The following IQCH variants were observed in gnomAD, a reference collection of about 807,000 sequenced individuals.
IQCH encodes IQ motif containing H, also known as IQ domain-containing protein H.
A neutral mutation model predicts 117.0 loss-of-function variants in IQCH; 98 were observed. The observed-to-expected ratio is 0.84, with a 90% CI of 0.71 to 0.99. IQCH has a LOEUF of 0.99. IQCH is among the 50% of genes least tolerant of loss of function. The pLI is 0.00. For synonymous variants in IQCH, 412 were observed against 448.2 expected (o/e 0.92, Z 1.02); for missense variants, 1,102 against 1,243.8 (o/e 0.89, Z 1.72).
intron 15 of IQCH, among the ~76,000 whole-genome samples, chr15:67,420,430 T>A (rs1451061733): frequency 6.6e-6 from 1 of 152,234 alleles, no homozygotes; most frequent in African/African-American, 2.4e-5. Flanking sequence ...GCACCCTATC[T>A]ATGGAACACT....
At chr15:67,336,842 A>C in intron 4 of IQCH, 133 bp from the exon 5 acceptor site, 1 of 784,934 alleles carries the variant, frequency 1.3e-6, no homozygotes, top group Non-Finnish European at 2.0e-6. Context: ...CATGAGCAAT[A>C]AAATTGGAGC....
In IQCH at chr15:67,422,878, G is replaced by A. The variant is rs904022842; in HGVS notation, c.2505+1301G>A. ...CTGCATGTCCAGACCTCTGTCTAAA[G>A]GGCGAAATGACCTCCTGGCCTTCCT... On this transcript the variant is annotated intron_variant, in intron 16 of 20. Transcript: ENST00000335894. The surrounding 1 kb of genome is among the most constrained non-coding windows in gnomAD (Gnocchi z 4.7). 6.6e-6 allele frequency among the ~76,000 whole-genome samples: 1 copy of A among 152,154 alleles called. No individual in the cohort carries two copies. Among genetic ancestry groups the A allele is most frequent in the African/African-American group, 2.4e-5 (1 of 41,424 alleles).
intron 3 of IQCH, among the ~76,000 whole-genome samples, chr15:67,269,930 A>C (rs1965832695): frequency 6.6e-6 from 1 of 152,116 alleles, no homozygotes; most frequent in South Asian, 2.1e-4. Context: ...ATTGTGTATA[A>C]TGTTGCAGTA....
intron 5 of IQCH, 114 bp from the exon 6 acceptor site, chr15:67,343,949 A>G: frequency 1.2e-6 from 1 of 828,746 alleles, no homozygotes; most frequent in South Asian, 1.8e-5. Context: ...CACTAGATGT[A>G]CCCTCACAAA....
chr15:67,358,207 C>CT lies in IQCH; in HGVS notation c.714+801dup, dbSNP rs71142373. Among the ~76,000 whole-genome samples, 32 of 10,454 alleles carry CT rather than the reference C, an allele frequency of 3.1e-3. 9 individuals are homozygous for CT. In the Admixed American group the frequency reaches 0.041, roughly 13 times the overall value. The allele number at this position is 10,454 out of a possible 152,430, so 6.9% of individuals were successfully genotyped here. ...TAACCATCATGAGGCACTTTCTTTT[C>CT]TTTTTTTTTTTTTTTGAGATGGAGT... On this transcript the variant is annotated intron_variant, in intron 7 of 20. Transcript: ENST00000335894.
intron 4 of IQCH, among the ~76,000 whole-genome samples, chr15:67,297,356 T>A (rs1364657843): frequency 1.3e-5 from 2 of 152,204 alleles, no homozygotes; most frequent in Non-Finnish European, 2.9e-5. Context: ...TAATTTCATC[T>A]ATTCCCTCTA....
rs1326019313 is a variant in IQCH, at chr15:67,457,505, A to G, written c.2506-7622A>G. Among the ~76,000 whole-genome samples the G allele has an allele frequency of 6.6e-6, 1 of 152,244 alleles. No individual in the cohort carries two copies. The highest frequency in any genetic ancestry group is 2.4e-5 in the African/African-American group (1 of 41,458). Reference sequence around the variant, plus strand: ...GAAGCAGGCAAGAACACAGAAGTCAAGAACCAAGTGAATTCTTACACCTGC... The same window carrying G: ...GAAGCAGGCAAGAACACAGAAGTCAGGAACCAAGTGAATTCTTACACCTGC... On this transcript the variant is annotated intron_variant, in intron 16 of 20. Coordinates refer to ENST00000335894, the MANE Select transcript of IQCH (RefSeq NM_001031715.3). This position sits in a 1 kb window ranked among gnomAD's most constrained non-coding sequence, Gnocchi z 5.7.
intron 20 of IQCH, among the ~76,000 whole-genome samples, chr15:67,499,143 T>C (rs935668909): frequency 2.8e-4 from 42 of 151,818 alleles, no homozygotes; most frequent in African/African-American, 9.9e-4. Flanking sequence ...CGAAAACTTA[T>C]TTTTAGCTAG....
Position 67,475,889 on chromosome 15 carries a change from T to C in IQCH, c.2799+71T>C. 2 of 1,369,790 alleles carry C rather than the reference T, an allele frequency of 1.5e-6. No homozygotes were observed. The highest frequency in any genetic ancestry group is 2.4e-5 in the South Asian group (2 of 81,762). 84.9% of individuals were successfully genotyped at this position (1,369,790 alleles called of 1,614,324 possible). ...TGGGTGATCTAGGTAGCTAATAATT[T>C]GGTGCCCCTTCAGATAGATATTCTT... On this transcript the variant is annotated intron_variant, in intron 18 of 20. Transcript: ENST00000335894. This position sits in a 1 kb window ranked among gnomAD's most constrained non-coding sequence, Gnocchi z 5.7.
chr15:67,344,768 T>C (rs976341606), intron 6 of IQCH, among the ~76,000 whole-genome samples: 1 of 152,240 alleles, frequency 6.6e-6, no homozygotes, highest in Non-Finnish European at 1.5e-5. Context: ...AATTTGTACA[T>C]ACTGGAACAG....
chr15:67,501,263 T>C lies in IQCH; in HGVS notation c.*517T>C, dbSNP rs1373409638. 6.6e-6 allele frequency: 1 copy of C among 152,242 alleles called. No individual in the cohort carries two copies. The highest frequency in any genetic ancestry group is 1.5e-5 in the Non-Finnish European group (1 of 68,046). The allele number at this position is 152,242 out of a possible 1,614,324, so 9.4% of individuals were successfully genotyped here. On this transcript the variant is annotated 3_prime_UTR_variant, in exon 21 of 21. Coordinates refer to ENST00000335894, the MANE Select transcript of IQCH (RefSeq NM_001031715.3). The surrounding 1 kb of genome is among the most constrained non-coding windows in gnomAD (Gnocchi z 5.2). The stretch of plus-strand genomic sequence containing the variant: ...ATTTATATGAATTTTTAAGTGACTA[T>C]CATTCATCGTGTTTTTGTTATACCA...
At chr15:67,299,683 G>A (rs1966926876) in intron 4 of IQCH, among the ~76,000 whole-genome samples, 1 of 152,060 alleles carries the variant, frequency 6.6e-6, no homozygotes, top group Non-Finnish European at 1.5e-5. Context: ...TTATCTGATT[G>A]CAATCCCATG....
At chr15:67,314,484 GAAAAAA>G (rs11343033) in intron 4 of IQCH, among the ~76,000 whole-genome samples, 1 of 136,234 alleles carries the variant, frequency 7.3e-6, no homozygotes, top group Non-Finnish European at 1.6e-5. Flanking sequence ...TGTGCTAAAT[GAAAAAA>G]AAAAAAAAAA....
chr15:67,322,366 T>C (rs1968175437), intron 4 of IQCH, among the ~76,000 whole-genome samples: 1 of 152,226 alleles, frequency 6.6e-6, no homozygotes, highest in Non-Finnish European at 1.5e-5. Flanking sequence ...ACTTTCAACC[T>C]GTGTCTTTAA....
chr15:67,344,535 T>A (rs945980762), intron 6 of IQCH, among the ~76,000 whole-genome samples: 10 of 152,326 alleles, frequency 6.6e-5, no homozygotes, highest in African/African-American at 2.2e-4. Flanking sequence ...CTTTAGTCTG[T>A]ATGCAAACTC....
At chr15:67,373,133 CT>C (rs1567136557) in intron 9 of IQCH, among the ~76,000 whole-genome samples, 1 of 152,132 alleles carries the variant, frequency 6.6e-6, no homozygotes, top group Admixed American at 6.6e-5. Context: ...TTTGCTTTCT[CT>C]TTTTTTCATT....
At chr15:67,255,089 GCC>G in intron 1 of IQCH, 142 bp downstream of exon 1, 4 of 799,986 alleles carry the variant, frequency 5.0e-6, no homozygotes, top group Non-Finnish European at 8.5e-6. Flanking sequence ...TCCCAAAAAT[GCC>G]CACCCAGACC....
rs74360421 is a variant in IQCH, at chr15:67,322,665, G to A, written c.388-14310G>A. Among the ~76,000 whole-genome samples the A allele has an allele frequency of 6.8e-4, 104 of 152,272 alleles. No homozygotes were observed. In the East Asian group the frequency reaches 0.019, roughly 28 times the overall value. ...ATACAGCTTTTGCCTGTGTTCAGTTGTTCCTGAGCTCTTGTCCTGCGTCCA... is the reference window on the plus strand; with the variant it reads ...ATACAGCTTTTGCCTGTGTTCAGTTATTCCTGAGCTCTTGTCCTGCGTCCA... On this transcript the variant is annotated intron_variant, in intron 4 of 20. Coordinates refer to ENST00000335894, the MANE Select transcript of IQCH (RefSeq NM_001031715.3).
Position 67,353,073 on chromosome 15 carries a change from G to A in IQCH, c.638-4272G>A, listed in dbSNP as rs145818291. 6.5e-3 allele frequency among the ~76,000 whole-genome samples: 992 copies of A among 151,982 alleles called. 11 individuals carry two copies. The highest frequency in any genetic ancestry group is 0.023 in the African/African-American group (951 of 41,482). On this transcript the variant is annotated intron_variant, in intron 6 of 20. Transcript: ENST00000335894. ...AGGCAGGAGAATTGCTTGAACCCAGGAGGCAGAGGTTTCAGTGAGCCAAGA... is the reference window on the plus strand; with the variant it reads ...AGGCAGGAGAATTGCTTGAACCCAGAAGGCAGAGGTTTCAGTGAGCCAAGA...
Sources: allele counts gnomAD v4.1 joint callset (sites outside exome capture counted in the v4.1 genomes callset), GRCh38; gene constraint gnomAD v4.1.1; non-coding constraint Gnocchi (gnomAD v3.1); transcripts MANE v1.5; gene names NCBI Gene and HGNC (gene_info 2026-07-23, HGNC 2026-07-21).